MLLT10: variants seen among roughly 807,000 people sequenced by gnomAD.
MLLT10 encodes the protein protein AF-10.
Under a neutral mutation model 129.1 loss-of-function variants are expected in MLLT10, and 30 were observed. The ratio of observed to expected loss-of-function variants is 0.23; its 90% confidence interval spans 0.17 to 0.32. The LOEUF is 0.32. Among genes scored for constraint, MLLT10 ranks in the 10% least tolerant of loss-of-function variants. The pLI is 1.00. For missense variants in MLLT10, 1,119 were observed against 1,268.3 expected (o/e 0.88, Z 1.79); for synonymous variants, 490 against 446.4 (o/e 1.10, Z -1.23).
intron 3 of MLLT10, among the ~76,000 whole-genome samples, chr10:21,546,006 G>C (rs1289377924): frequency 6.6e-6 from 1 of 152,112 alleles, no homozygotes; most frequent in Middle Eastern, 3.2e-3. Flanking sequence ...AATTACTGCA[G>C]GCTGCAGTGA....
rs1027344175 is a variant in MLLT10 at position 21,534,897 on chromosome 10, C to G, written c.160+93C>G. 5.4e-6 allele frequency: 5 copies of G among 924,276 alleles called. No homozygotes were observed. The African/African-American group carries it at 7.2e-5, about 13-fold the overall frequency. The allele number at this position is 924,276 out of a possible 1,614,324, so 57.3% of individuals were successfully genotyped here. A position where few individuals can be genotyped will look rare whatever the true frequency, so the allele number is the denominator to read the frequency against. On this transcript the variant is annotated intron_variant, in intron 2 of 22. Transcript: ENST00000307729. ...GCCGCAACCGCCGGCGCCCCCGCCC[C>G]GTGCCGCGGCCGCGGGAGGGACGCG... is the stretch of plus-strand genomic sequence containing the variant.
chr10:21,596,536 G>C (rs1296334658), intron 5 of MLLT10, among the ~76,000 whole-genome samples: 1 of 151,764 alleles, frequency 6.6e-6, no homozygotes, highest in African/African-American at 2.4e-5. Flanking sequence ...TTGTCCTCTG[G>C]AAGTTACACT....
intron 8 of MLLT10, among the ~76,000 whole-genome samples, chr10:21,622,709 C>T (rs1167293512): frequency 2.0e-5 from 3 of 152,152 alleles, no homozygotes; most frequent in African/African-American, 7.2e-5. Flanking sequence ...TGGCAACAAA[C>T]GTGTGGGTTA....
intron 3 of MLLT10, among the ~76,000 whole-genome samples, chr10:21,542,981 C>T (rs541202475): frequency 1.4e-4 from 21 of 148,976 alleles, no homozygotes; most frequent in Non-Finnish European, 2.4e-4. Context: ...TTTTTTGAGA[C>T]GAAATTTTGC....
chr10:21,708,538 A>C (rs1030062497), intron 13 of MLLT10: 1 of 976,890 alleles, frequency 1.0e-6, no homozygotes, highest in African/African-American at 1.8e-5. Context: ...CTTGATAGGA[A>C]AGGAACATTT....
chr10:21,696,666 C>G (rs2054392581), intron 13 of MLLT10, among the ~76,000 whole-genome samples: 1 of 152,078 alleles, frequency 6.6e-6, no homozygotes, highest in Admixed American at 6.6e-5. Flanking sequence ...GTGTCCAACT[C>G]TTTGACAATT....
intron 5 of MLLT10, among the ~76,000 whole-genome samples, chr10:21,598,520 T>TTG (rs1261606237): frequency 1.3e-5 from 2 of 152,130 alleles, no homozygotes; most frequent in Admixed American, 6.5e-5. Flanking sequence ...AAATGTGTGT[T>TTG]TGTGTGTGTG....
At chr10:21,635,811 C>T (rs1475647456) in intron 8 of MLLT10, among the ~76,000 whole-genome samples, 1 of 151,616 alleles carries the variant, frequency 6.6e-6, no homozygotes, top group African/African-American at 2.4e-5. Context: ...ACTGCCACCT[C>T]CGCCTCCCGG....
chr10:21,551,762 T>G (rs571222990), intron 3 of MLLT10: 6 of 401,132 alleles, frequency 1.5e-5, no homozygotes, highest in South Asian at 1.1e-4. Flanking sequence ...GACTTTTTTT[T>G]TTTTTTAAAT....
At chr10:21,613,148 T>C (rs191130662) in intron 6 of MLLT10, among the ~76,000 whole-genome samples, 1 of 136,838 alleles carries the variant, frequency 7.3e-6, no homozygotes, top group Non-Finnish European at 1.5e-5. Context: ...GAACCGAGAT[T>C]GCGCCATTGA....
intron 3 of MLLT10, among the ~76,000 whole-genome samples, chr10:21,573,894 T>A (rs1226057729): frequency 3.3e-5 from 5 of 152,210 alleles, no homozygotes; most frequent in Non-Finnish European, 7.3e-5. Flanking sequence ...GGACTTAAAT[T>A]GCTAATAGTA....
intron 3 of MLLT10, among the ~76,000 whole-genome samples, chr10:21,544,874 T>C (rs376468641): frequency 6.6e-6 from 1 of 152,178 alleles, no homozygotes; most frequent in Non-Finnish European, 1.5e-5. Context: ...GGCCGGGCGC[T>C]GTGTCTTATG....
At chr10:21,717,677 T>TTCCTCCTCCTCCTCC (rs1218411767) in intron 14 of MLLT10, among the ~76,000 whole-genome samples, 1 of 19,572 alleles carries the variant, frequency 5.1e-5, no homozygotes, top group Non-Finnish European at 1.0e-4. Context: ...CCTCCTCCTC[T>TTCCTCCTCCTCCTCC]TCCTCCTCCT....
At chr10:21,707,607 A>T (rs1258276373) in intron 13 of MLLT10, among the ~76,000 whole-genome samples, 1 of 151,612 alleles carries the variant, frequency 6.6e-6, no homozygotes, top group Non-Finnish European at 1.5e-5. Flanking sequence ...ATAGCCTCCT[A>T]AAAAAAAATC....
At chr10:21,643,043 A>AT (rs2048168569) in intron 8 of MLLT10, among the ~76,000 whole-genome samples, 1 of 151,262 alleles carries the variant, frequency 6.6e-6, no homozygotes, top group African/African-American at 2.4e-5. Context: ...TTTATTTTTT[A>AT]TTTTTTTGAG....
At chr10:21,615,295 T>G (rs187636915) in intron 7 of MLLT10, among the ~76,000 whole-genome samples, 86 of 151,536 alleles carry the variant, frequency 5.7e-4, no homozygotes, top group Non-Finnish European at 1.1e-3. Context: ...TCGTCTCTAT[T>G]AAAAATACAA....
chr10:21,552,335 T>G (rs1227517027), intron 3 of MLLT10, among the ~76,000 whole-genome samples: 1 of 151,494 alleles, frequency 6.6e-6, no homozygotes, highest in African/African-American at 2.4e-5. Context: ...GCTTTCCTTG[T>G]GTTTTTTTTC....
At chr10:21,533,919 G>A (rs1324417299), upstream of MLLT10, among the ~76,000 whole-genome samples, 2 of 152,090 alleles carry the variant, frequency 1.3e-5, no homozygotes, top group Non-Finnish European at 2.9e-5. Context: ...TCCCAGCCCT[G>A]GGCGTCCACC....
chr10:21,622,056 A>C (rs868340446), intron 8 of MLLT10, among the ~76,000 whole-genome samples: 2 of 152,038 alleles, frequency 1.3e-5, no homozygotes, highest in Non-Finnish European at 2.9e-5. Context: ...CTGGTTAGGT[A>C]CTAACTGTAG....
Sources: gnomAD v4.1 joint callset for allele counts (sites outside exome capture counted in the v4.1 genomes callset) on GRCh38, gnomAD v4.1.1 for gene constraint, MANE v1.5 for transcripts, NCBI Gene and HGNC (gene_info 2026-07-23, HGNC 2026-07-21) for gene names.